The following LUZP2 variants were observed in gnomAD, a reference collection of about 807,000 sequenced individuals.
LUZP2 encodes leucine zipper protein 2.
In LUZP2, 52 loss-of-function variants were observed where a neutral mutation model predicts 51.6. The ratio of observed to expected loss-of-function variants is 1.01; its 90% CI spans 0.81 to 1.27. The LOEUF is 1.27. LUZP2 is among the 50% of genes most tolerant of loss of function. The probability of loss-of-function intolerance (pLI) is 0.00; values close to 1 mark genes in which losing one functional copy is unlikely to be tolerated. For missense variants in LUZP2, 436 were observed against 395.4 expected, an observed-to-expected ratio of 1.10 and a Z score of -0.87; for synonymous variants, 154 against 137.3, an observed-to-expected ratio of 1.12 and a Z score of -0.85.
At chr11:24,573,780 T>A (rs1270426576) in intron 1 of LUZP2, among the ~76,000 whole-genome samples, 1 of 151,920 alleles carries the variant, frequency 6.6e-6, no homozygotes, top group African/African-American at 2.4e-5. Context: ...GCCTAGAAAC[T>A]TTAAAAAGCA....
In LUZP2 at chr11:24,914,160, C is replaced by A. The variant is rs183196330; in HGVS notation, c.460-316C>A. Among the ~76,000 whole-genome samples the A allele has an allele frequency of 3.3e-3, 501 of 152,118 alleles. 5 individuals are homozygous for A. The highest frequency in any genetic ancestry group is 4.3e-3 in the Non-Finnish European group (294 of 67,966). On this transcript the variant is annotated intron_variant, in intron 6 of 11. Transcript: ENST00000336930. ...CATGCATATGTACAGATATAATTAG[C>A]GTCTAAAATTAGATTGTTGGCCATG...
intron 9 of LUZP2, among the ~76,000 whole-genome samples, chr11:24,984,549 T>TATATATAAAAAA (rs60530495): frequency 1.4e-5 from 1 of 71,224 alleles, no homozygotes; most frequent in African/African-American, 4.8e-5. Flanking sequence ...TATATATATA[T>TATATATAAAAAA]AATTGTGAAT....
chr11:25,040,135 T>G (rs1237928458), intron 9 of LUZP2, among the ~76,000 whole-genome samples: 2 of 152,032 alleles, frequency 1.3e-5, no homozygotes, highest in Non-Finnish European at 2.9e-5. Flanking sequence ...AATAATATAT[T>G]TGGCAAACTT....
rs560054658 is a variant in LUZP2 at position 24,655,692 on chromosome 11, G to A, written c.63-73477G>A. ...AACAAATGCGTGGTCTGAAAAGCGG[G>A]AGGAAATTGTCAGTGTTTGGAATTT... On this transcript the variant is annotated intron_variant, in intron 1 of 11. Coordinates refer to ENST00000336930, the MANE Select transcript of LUZP2 (RefSeq NM_001009909.4). 1.1e-3 allele frequency among the ~76,000 whole-genome samples: 163 copies of A among 152,286 alleles called. 1 individual carries two copies. The highest frequency in any genetic ancestry group is 3.8e-3 in the African/African-American group (160 of 41,564).
chr11:24,669,902 T>C (rs1856346288), intron 1 of LUZP2, among the ~76,000 whole-genome samples: 1 of 152,012 alleles, frequency 6.6e-6, no homozygotes, highest in African/African-American at 2.4e-5. Flanking sequence ...TTAACTATCT[T>C]TGGCTATGAA....
intron 10 of LUZP2, among the ~76,000 whole-genome samples, chr11:25,067,331 C>T (rs1387407230): frequency 6.6e-6 from 1 of 151,960 alleles, no homozygotes; most frequent in Non-Finnish European, 1.5e-5. Flanking sequence ...CTATAGGTTG[C>T]CTGCTCACTC....
chr11:25,034,635 G>A (rs1056531253), intron 9 of LUZP2, among the ~76,000 whole-genome samples: 5 of 152,050 alleles, frequency 3.3e-5, no homozygotes, highest in East Asian at 1.9e-4. Flanking sequence ...AATCTTCTAC[G>A]TGTGGTTAGC....
chr11:24,540,917 G>C (rs547183368), intron 1 of LUZP2, among the ~76,000 whole-genome samples: 1 of 152,110 alleles, frequency 6.6e-6, no homozygotes, highest in African/African-American at 2.4e-5. Flanking sequence ...TTAAATAATT[G>C]CTTAGCTATT....
At chr11:24,616,391 G>A (rs556282330) in intron 1 of LUZP2, among the ~76,000 whole-genome samples, 3 of 151,816 alleles carry the variant, frequency 2.0e-5, no homozygotes, top group South Asian at 2.1e-4. Flanking sequence ...TAATTTTTGA[G>A]TAAAGTATGG....
chr11:24,858,626 G>T (rs1431492023), intron 5 of LUZP2, among the ~76,000 whole-genome samples: 1 of 152,130 alleles, frequency 6.6e-6, no homozygotes, highest in African/African-American at 2.4e-5. Context: ...TCCATAAAAA[G>T]TTATAAAATA....
intron 7 of LUZP2, among the ~76,000 whole-genome samples, chr11:24,970,498 T>G (rs1178780280): frequency 6.6e-6 from 1 of 152,162 alleles, no homozygotes; most frequent in Non-Finnish European, 1.5e-5. Flanking sequence ...GGGAGAATTT[T>G]TAAAAATTGT....
chr11:24,981,317 T>C (rs1467135356), intron 8 of LUZP2, among the ~76,000 whole-genome samples: 1 of 151,780 alleles, frequency 6.6e-6, no homozygotes, highest in Non-Finnish European at 1.5e-5. Flanking sequence ...TGTGACCTTG[T>C]CATAGCATTT....
intron 1 of LUZP2, among the ~76,000 whole-genome samples, chr11:24,560,622 A>C (rs6484057): frequency 1.3e-5 from 2 of 151,856 alleles, no homozygotes; most frequent in African/African-American, 4.8e-5. Flanking sequence ...CCCATCCCCA[A>C]AGACTCTTTT....
At chr11:25,060,747 A>T (rs1057122243) in intron 10 of LUZP2, among the ~76,000 whole-genome samples, 2 of 152,324 alleles carry the variant, frequency 1.3e-5, no homozygotes, top group Non-Finnish European at 2.9e-5. Flanking sequence ...AAAAAGCCAT[A>T]TAACAACATA....
At chr11:24,615,762 C>G (rs1338850609) in intron 1 of LUZP2, among the ~76,000 whole-genome samples, 1 of 151,630 alleles carries the variant, frequency 6.6e-6, no homozygotes, top group Non-Finnish European at 1.5e-5. Flanking sequence ...ACCTTTCCAT[C>G]AACAATGTAT....
chr11:24,664,615 G>A (rs530465602), intron 1 of LUZP2, among the ~76,000 whole-genome samples: 118 of 152,268 alleles, frequency 7.7e-4, no homozygotes, highest in African/African-American at 2.6e-3. Flanking sequence ...CCTGCTCTGC[G>A]CAGCCTCTGG....
At position 25,014,490 on chromosome 11, in the gene LUZP2, C is replaced by T. The variant is rs1322953652; in HGVS notation, c.765+31197C>T. On this transcript the variant is annotated intron_variant, in intron 9 of 11. Transcript: ENST00000336930. ...CATTGTGGTTTTGATTTGCATTTCT[C>T]TGATGGCCAGTGATGATGAGCATTT... Among the ~76,000 whole-genome samples, 4 of 152,198 alleles carry T rather than the reference C, an allele frequency of 2.6e-5. 1 individual carries two copies. Among genetic ancestry groups the T allele is most frequent in the Non-Finnish European group, 5.9e-5 (4 of 68,038 alleles).
At chr11:24,731,359 C>T (rs1368543670) in intron 2 of LUZP2, among the ~76,000 whole-genome samples, 1 of 80,688 alleles carries the variant, frequency 1.2e-5, no homozygotes. Context: ...ATTCTTGCCT[C>T]TTAGTTTTGA....
At chr11:24,603,974 G>A (rs1853828939) in intron 1 of LUZP2, among the ~76,000 whole-genome samples, 1 of 151,626 alleles carries the variant, frequency 6.6e-6, no homozygotes, top group South Asian at 2.1e-4. Flanking sequence ...TTTAGGGTAA[G>A]ATTCAAAAGA....
Sources: allele counts gnomAD v4.1 joint callset (sites outside exome capture counted in the v4.1 genomes callset), GRCh38; gene constraint gnomAD v4.1.1; transcripts MANE v1.5; gene names NCBI Gene and HGNC (gene_info 2026-07-23, HGNC 2026-07-21).